Variants in CEP112 observed in about 807,000 individuals in gnomAD.
CEP112 encodes the protein centrosomal protein 112.
Under a neutral mutation model 153.0 loss-of-function variants are expected in CEP112, and 127 were observed. The ratio of observed to expected loss-of-function variants is 0.83; its 90% CI spans 0.72 to 0.96. The LOEUF is 0.96. Among genes scored for constraint, CEP112 ranks in the 40% least tolerant of loss-of-function variants. The pLI, the probability that CEP112 is intolerant of heterozygous loss-of-function variation, is 0.00. For synonymous variants in CEP112, 358 were observed against 374.4 expected (o/e 0.96, Z 0.51); for missense variants, 1,089 against 1,101.2 (o/e 0.99, Z 0.16).
chr17:66,126,868 C>T (rs2069874145), intron 6 of CEP112, among the ~76,000 whole-genome samples: 1 of 151,978 alleles, frequency 6.6e-6, no homozygotes, highest in African/African-American at 2.4e-5. Flanking sequence ...ATCCGTAGTC[C>T]AGAGCACAAA....
At chr17:66,178,297 C>A (rs562199153) in intron 2 of CEP112, among the ~76,000 whole-genome samples, 22 of 152,258 alleles carry the variant, frequency 1.4e-4, no homozygotes, top group African/African-American at 4.8e-4. Flanking sequence ...TTTTTATCTG[C>A]GTTGCTCTGA....
At chr17:65,980,171 A>G (rs1370452816) in intron 17 of CEP112, among the ~76,000 whole-genome samples, 1 of 152,192 alleles carries the variant, frequency 6.6e-6, no homozygotes, top group Non-Finnish European at 1.5e-5. Context: ...ATAGAGATAT[A>G]TGGTTCAAAT....
intron 24 of CEP112, among the ~76,000 whole-genome samples, chr17:65,657,580 T>G (rs1452326047): frequency 3.9e-5 from 6 of 152,154 alleles, no homozygotes; most frequent in Non-Finnish European, 8.8e-5. Flanking sequence ...TGTTTTTCAC[T>G]TCTGTTTACA....
At position 65,637,266 on chromosome 17, in the gene CEP112, T is replaced by C. The variant is rs962278941; in HGVS notation, c.2800-78A>G. The C allele has an allele frequency of 4.1e-6, 4 of 972,172 alleles. No individual in the cohort carries two copies. In the African/African-American group the frequency reaches 6.5e-5, roughly 16 times the overall value. 60.2% of individuals were successfully genotyped at this position (972,172 alleles called of 1,614,324 possible). On this transcript the variant is annotated intron_variant, in intron 25 of 26. Transcript: ENST00000535342. ...TTGTGCAAATAGTATGGTAAGATTTTATTTAAATTCAGACAATTCCCTAGA... is the reference window on the plus strand; with the variant it reads ...TTGTGCAAATAGTATGGTAAGATTTCATTTAAATTCAGACAATTCCCTAGA...
chr17:65,695,138 A>T (rs2048295979), intron 23 of CEP112, among the ~76,000 whole-genome samples: 1 of 152,222 alleles, frequency 6.6e-6, no homozygotes, highest in African/African-American at 2.4e-5. Context: ...GGAATAAAGA[A>T]TGACACTTTC....
chr17:65,933,757 TA>T lies in CEP112; in HGVS notation c.1873-6069del, dbSNP rs1172676123. 5.3e-5 allele frequency among the ~76,000 whole-genome samples: 8 copies of T among 152,252 alleles called. No homozygotes were observed. The East Asian group carries it at 1.5e-3, about 29-fold the overall frequency. ...GCTAATAACATAAAACATATGAAAG[TA>T]AAAAACTCAATGGTATAAGTAATAC... On this transcript the variant is annotated intron_variant, in intron 18 of 26. Coordinates refer to ENST00000535342, the MANE Select transcript of CEP112 (RefSeq NM_001199165.4).
At chr17:65,870,492 T>C (rs1274099291) in intron 20 of CEP112, among the ~76,000 whole-genome samples, 1 of 152,220 alleles carries the variant, frequency 6.6e-6, no homozygotes, top group Non-Finnish European at 1.5e-5. Context: ...AATTAAATGA[T>C]TTTAAAGGTA....
intron 20 of CEP112, among the ~76,000 whole-genome samples, chr17:65,860,905 A>G (rs1460535836): frequency 1.3e-5 from 2 of 152,250 alleles, no homozygotes; most frequent in Admixed American, 1.3e-4. Flanking sequence ...ATATCCACAC[A>G]GTGGAATATT....
chr17:65,690,717 G>A (rs1292483169), intron 23 of CEP112, among the ~76,000 whole-genome samples: 1 of 152,192 alleles, frequency 6.6e-6, no homozygotes, highest in Non-Finnish European at 1.5e-5. Flanking sequence ...CATGTGGAAT[G>A]ACTCCGAGAT....
chr17:65,779,843 A>C (rs1392920945), intron 21 of CEP112, among the ~76,000 whole-genome samples: 1 of 152,160 alleles, frequency 6.6e-6, no homozygotes, highest in African/African-American at 2.4e-5. Flanking sequence ...TATGCTTATC[A>C]ATACCCCTAT....
rs541650985 is a variant in CEP112, at chr17:65,815,929, T to TA, written c.2394+35874dup. 1.6e-3 allele frequency among the ~76,000 whole-genome samples: 250 copies of TA among 152,212 alleles called. 1 individual carries two copies. Among genetic ancestry groups the TA allele is most frequent in the African/African-American group, 5.6e-3 (232 of 41,558 alleles). On this transcript the variant is annotated intron_variant, in intron 21 of 26. Coordinates refer to ENST00000535342, the MANE Select transcript of CEP112 (RefSeq NM_001199165.4). ...CTCATGTAGATGACATGTCTGCAAA[T>TA]AGACAGTTTTACTTCTTCCTTTCTG... is the stretch of plus-strand genomic sequence containing the variant.
intron 21 of CEP112, among the ~76,000 whole-genome samples, chr17:65,758,771 C>T (rs9907996): frequency 0.43 from 65,485 of 152,036 alleles, 14,783 homozygotes; most frequent in East Asian, 0.79. Flanking sequence ...CTTCCCAGAT[C>T]CTAGAAACAT....
At chr17:66,173,825 A>T (rs1186104009) in intron 4 of CEP112, among the ~76,000 whole-genome samples, 1 of 152,178 alleles carries the variant, frequency 6.6e-6, no homozygotes, top group Non-Finnish European at 1.5e-5. Context: ...TACTCTTCTG[A>T]ATATGCCCTT....
intron 24 of CEP112, among the ~76,000 whole-genome samples, chr17:65,682,314 T>A (rs1209805071): frequency 2.6e-5 from 4 of 152,160 alleles, no homozygotes; most frequent in South Asian, 2.1e-4. Context: ...TTTAAATGCA[T>A]CTTCACATTT....
At chr17:66,129,322 G>A (rs2070015602) in intron 6 of CEP112, among the ~76,000 whole-genome samples, 1 of 151,948 alleles carries the variant, frequency 6.6e-6, no homozygotes, top group South Asian at 2.1e-4. Flanking sequence ...ATGACCCTCA[G>A]CCTCTATAAA....
At chr17:65,992,030 A>G (rs924532906) in intron 17 of CEP112, among the ~76,000 whole-genome samples, 3 of 152,114 alleles carry the variant, frequency 2.0e-5, no homozygotes, top group Admixed American at 6.5e-5. Context: ...CATTAAAAAA[A>G]AAAACAAACC....
intron 20 of CEP112, among the ~76,000 whole-genome samples, chr17:65,878,531 C>T (rs549502806): frequency 2.0e-5 from 3 of 152,052 alleles, no homozygotes; most frequent in African/African-American, 7.2e-5. Context: ...TTGGGGGACA[C>T]TCATCAGTTA....
rs748907638 is a variant in CEP112, at chr17:66,129,735, C to CT, written c.642+10dup. 112 of 1,579,464 alleles carry CT rather than the reference C, an allele frequency of 7.1e-5. No homozygotes were observed. Among genetic ancestry groups the CT allele is most frequent in the Middle Eastern group, 1.7e-4 (1 of 5,986 alleles). ...CATCTATATATACATAAAGCAAATA[C>CT]TTTTTTTTACCCCAAGATTCCAACT... On this transcript the variant is annotated intron_variant, in intron 6 of 26. Transcript: ENST00000535342.
intron 21 of CEP112, among the ~76,000 whole-genome samples, chr17:65,809,488 AT>A (rs1346389463): frequency 6.6e-6 from 1 of 152,188 alleles, no homozygotes; most frequent in African/African-American, 2.4e-5. Context: ...ATTTAGATTT[AT>A]TTTAGACTTG....
Sources: allele counts gnomAD v4.1 joint callset (sites outside exome capture counted in the v4.1 genomes callset), GRCh38; gene constraint gnomAD v4.1.1; transcripts MANE v1.5; gene names NCBI Gene and HGNC (gene_info 2026-07-23, HGNC 2026-07-21).